Variants in WDR70 observed in about 807,000 individuals in gnomAD.
The protein encoded by WDR70 is WD repeat-containing protein 70.
A neutral mutation model predicts 88.6 loss-of-function variants in WDR70; 53 were observed. The ratio of observed to expected loss-of-function variants is 0.60; its 90% CI spans 0.48 to 0.75. The LOEUF is 0.75. Ranked by LOEUF, WDR70 falls within the 30% of genes least tolerant of loss-of-function variation. WDR70 has a pLI of 0.00. For synonymous variants in WDR70, 280 were observed against 270.0 expected, an observed-to-expected ratio of 1.04 and a Z score of -0.36; for missense variants, 610 against 823.2, an observed-to-expected ratio of 0.74 and a Z score of 3.17.
At chr5:37,678,361 G>A (rs1320352046) in intron 10 of WDR70, among the ~76,000 whole-genome samples, 5 of 152,152 alleles carry the variant, frequency 3.3e-5, no homozygotes, top group African/African-American at 1.2e-4. Flanking sequence ...ATTTTACAGT[G>A]GCTGGTACCA....
chr5:37,710,976 A>G (rs1026512850), intron 13 of WDR70, among the ~76,000 whole-genome samples: 2 of 151,858 alleles, frequency 1.3e-5, no homozygotes, highest in African/African-American at 4.8e-5. Context: ...GAAAAACCCT[A>G]TGCCTTCTGT....
chr5:37,691,331 G>T (rs1442655910), intron 10 of WDR70, among the ~76,000 whole-genome samples: 3 of 152,128 alleles, frequency 2.0e-5, no homozygotes, highest in Non-Finnish European at 4.4e-5. Context: ...GGATATCCAG[G>T]ACTTGAACTC....
At chr5:37,470,078 A>C (rs933990714) in intron 7 of WDR70, among the ~76,000 whole-genome samples, 8 of 152,196 alleles carry the variant, frequency 5.3e-5, no homozygotes, top group South Asian at 2.1e-4. Context: ...AGAATTTTTC[A>C]CATTATTAAA....
chr5:37,623,463 T>C (rs1744572381), intron 10 of WDR70, among the ~76,000 whole-genome samples: 1 of 152,186 alleles, frequency 6.6e-6, no homozygotes, highest in African/African-American at 2.4e-5. Context: ...TATAAATCTT[T>C]GTTGTGAAAA....
At chr5:37,524,512 G>A (rs115032573) in intron 9 of WDR70, among the ~76,000 whole-genome samples, 1,650 of 152,178 alleles carry the variant, frequency 0.011, 22 homozygotes, top group African/African-American at 0.037. Context: ...ACCGCTACCA[G>A]CCACTGCAAA....
intron 8 of WDR70, among the ~76,000 whole-genome samples, chr5:37,480,760 A>G (rs1014945822): frequency 2.0e-5 from 3 of 152,184 alleles, no homozygotes; most frequent in African/African-American, 7.2e-5. Context: ...CTCACATTTC[A>G]AAACCAATCA....
chr5:37,712,149 C>A (rs527623987), intron 13 of WDR70, among the ~76,000 whole-genome samples: 1 of 151,950 alleles, frequency 6.6e-6, no homozygotes, highest in African/African-American at 2.4e-5. Context: ...CCTGCCACCG[C>A]ACCTGGCTAA....
intron 5 of WDR70, among the ~76,000 whole-genome samples, chr5:37,428,560 A>G (rs1040672729): frequency 1.6e-4 from 24 of 152,258 alleles, no homozygotes; most frequent in African/African-American, 5.5e-4. Context: ...TTTGCACAGC[A>G]TAATGCTTTT....
chr5:37,392,667 T>C (rs1407913177), intron 4 of WDR70, among the ~76,000 whole-genome samples: 1 of 152,092 alleles, frequency 6.6e-6, no homozygotes, highest in Admixed American at 6.6e-5. Context: ...TTTTTTGAGA[T>C]GGAATCTCGC....
intron 9 of WDR70, among the ~76,000 whole-genome samples, chr5:37,557,420 CTG>C (rs1742322991): frequency 6.6e-6 from 1 of 152,116 alleles, no homozygotes; most frequent in African/African-American, 2.4e-5. Context: ...ACTTGAGACA[CTG>C]TTTTTGTATG....
chr5:37,736,613 GTT>G (rs10718548), intron 17 of WDR70, among the ~76,000 whole-genome samples: 79 of 134,592 alleles, frequency 5.9e-4, no homozygotes, highest in Middle Eastern at 3.7e-3. Context: ...GGTGTATGTA[GTT>G]TTTTTTTTTT....
At chr5:37,723,223 A>T in intron 15 of WDR70, 1 of 325,982 alleles carries the variant, frequency 3.1e-6, no homozygotes, top group Non-Finnish European at 5.6e-6. Flanking sequence ...AGTCTATTCC[A>T]AGTGTGAACA....
chr5:37,738,462 T>A (rs1013162054), intron 17 of WDR70, among the ~76,000 whole-genome samples: 1 of 152,198 alleles, frequency 6.6e-6, no homozygotes, highest in Non-Finnish European at 1.5e-5. Context: ...GCTGAAAACA[T>A]TTTGTTACAG....
At chr5:37,406,714 T>G (rs1749364400) in intron 5 of WDR70, among the ~76,000 whole-genome samples, 1 of 152,000 alleles carries the variant, frequency 6.6e-6, no homozygotes, top group African/African-American at 2.4e-5. Flanking sequence ...AAAAGAGGAA[T>G]TGAAAAACAA....
At chr5:37,625,653 T>C (rs926319206) in intron 10 of WDR70, among the ~76,000 whole-genome samples, 1 of 151,938 alleles carries the variant, frequency 6.6e-6, no homozygotes, top group Non-Finnish European at 1.5e-5. Context: ...GCCTCCTGAG[T>C]AGTTGGGATT....
chr5:37,462,333 C>T (rs560617839), intron 7 of WDR70, among the ~76,000 whole-genome samples: 128 of 152,232 alleles, frequency 8.4e-4, no homozygotes, highest in Admixed American at 4.2e-3. Context: ...GACAGAGTCT[C>T]GCTCATTCGC....
chr5:37,702,828 C>G, intron 12 of WDR70, 121 bp from the exon 13 acceptor site: 1 of 958,140 alleles, frequency 1.0e-6, no homozygotes, highest in Non-Finnish European at 1.5e-6. Context: ...AATATAAGTG[C>G]TTGACTCATA....
At chr5:37,731,095 G>A (rs1020694562) in intron 17 of WDR70, among the ~76,000 whole-genome samples, 4 of 152,110 alleles carry the variant, frequency 2.6e-5, no homozygotes, top group Non-Finnish European at 5.9e-5. Flanking sequence ...GAGTTGTCCT[G>A]GTCAGGGCCA....
At chr5:37,418,593 T>G (rs1035375035) in intron 5 of WDR70, among the ~76,000 whole-genome samples, 3 of 152,224 alleles carry the variant, frequency 2.0e-5, no homozygotes, top group Non-Finnish European at 4.4e-5. Flanking sequence ...TGAAAAAAAG[T>G]TAGGATGTTC....
Sources: allele counts gnomAD v4.1 joint callset (sites outside exome capture counted in the v4.1 genomes callset), GRCh38; gene constraint gnomAD v4.1.1; transcripts MANE v1.5; gene names NCBI Gene and HGNC (gene_info 2026-07-23, HGNC 2026-07-21).